Variants in PRMT8 observed in about 807,000 individuals in gnomAD.
PRMT8 encodes the protein protein arginine methyltransferase 8.
PRMT8 carries 7 observed loss-of-function variants against 47.1 expected under a neutral mutation model. The observed-to-expected ratio is 0.15, with a 90% CI of 0.08 to 0.28. The LOEUF (loss-of-function observed/expected upper bound fraction) is 0.28. Ranked by LOEUF, PRMT8 falls within the 10% of genes least tolerant of loss-of-function variation. PRMT8 has a pLI of 1.00. For missense variants in PRMT8, 237 were observed against 505.4 expected, an observed-to-expected ratio of 0.47 and a Z score of 5.09; for synonymous variants, 188 against 186.5, an observed-to-expected ratio of 1.01 and a Z score of -0.07.
Position 3,572,633 on chromosome 12 carries a change from C to T in PRMT8, c.712+3069C>T, listed in dbSNP as rs11062725. Reference sequence around the variant, plus strand: ...ATCCAGAGTTTCCTCTGGTTCCAGCCCATTTTATGCAAGGATTCCACTTTC... The same window carrying T: ...ATCCAGAGTTTCCTCTGGTTCCAGCTCATTTTATGCAAGGATTCCACTTTC... On this transcript the variant is annotated intron_variant, in intron 6 of 9. Transcript: ENST00000382622. This position sits in a 1 kb window ranked among gnomAD's most constrained non-coding sequence, Gnocchi z 5.9. 0.074 allele frequency among the ~76,000 whole-genome samples: 11,211 copies of T among 152,278 alleles called. 580 individuals are homozygous for T. The highest frequency in any genetic ancestry group is 0.1 in the Non-Finnish European group (6,943 of 68,020).
At chr12:3,487,971 C>G (rs1565419882), upstream of PRMT8, among the ~76,000 whole-genome samples, 1 of 152,202 alleles carries the variant, frequency 6.6e-6, no homozygotes, top group Non-Finnish European at 1.5e-5. Context: ...TTTTAAAGCT[C>G]TCCAGATGAT....
intron 1 of PRMT8, among the ~76,000 whole-genome samples, chr12:3,402,254 G>T (rs779605240): frequency 6.6e-6 from 1 of 152,212 alleles, no homozygotes; most frequent in Non-Finnish European, 1.5e-5. Context: ...AATAGGAACT[G>T]GGAGAACAGG....
At chr12:3,478,408 C>T (rs532096810) in intron 1 of PRMT8, among the ~76,000 whole-genome samples, 17 of 152,202 alleles carry the variant, frequency 1.1e-4, no homozygotes, top group Non-Finnish European at 2.1e-4. Context: ...TCTACAGAAC[C>T]TTGGCTTGGG....
intron 1 of PRMT8, among the ~76,000 whole-genome samples, chr12:3,401,931 A>G (rs1864321530): frequency 6.6e-6 from 1 of 152,206 alleles, no homozygotes; most frequent in Non-Finnish European, 1.5e-5. Context: ...ATTCAATAAT[A>G]TTCCCATTAA....
At chr12:3,519,260 C>T (rs1387684137) in intron 1 of PRMT8, among the ~76,000 whole-genome samples, 7 of 151,716 alleles carry the variant, frequency 4.6e-5, no homozygotes, top group Admixed American at 2.6e-4. Context: ...AGAAAATAAG[C>T]GAGATAGAGA....
chr12:3,582,889 G>A (rs1054284841), intron 7 of PRMT8, among the ~76,000 whole-genome samples, 169 bp from the exon 8 acceptor site: 4 of 152,146 alleles, frequency 2.6e-5, no homozygotes, highest in African/African-American at 9.7e-5. Context: ...AGAAAGGATG[G>A]AGGAGGTGAT....
intron 1 of PRMT8, among the ~76,000 whole-genome samples, chr12:3,540,031 T>A (rs1866192174): frequency 6.6e-6 from 1 of 152,164 alleles, no homozygotes; most frequent in South Asian, 2.1e-4. Flanking sequence ...AACAAACTCT[T>A]ACTATATGCC....
intron 1 of PRMT8, chr12:3,463,391 C>A (rs566895848): frequency 6.6e-6 from 1 of 152,288 alleles, no homozygotes; most frequent in South Asian, 2.1e-4. Flanking sequence ...GGTTAAATAT[C>A]AAGAAAGGCT....
At chr12:3,539,015 A>T (rs1866173122) in intron 1 of PRMT8, among the ~76,000 whole-genome samples, 2 of 152,312 alleles carry the variant, frequency 1.3e-5, no homozygotes, top group South Asian at 4.1e-4. Flanking sequence ...GCGCGGAGTG[A>T]TTCCACGGAG....
intron 8 of PRMT8, among the ~76,000 whole-genome samples, chr12:3,591,432 A>T (rs1867303013): frequency 8.1e-6 from 1 of 123,506 alleles, no homozygotes; most frequent in Non-Finnish European, 1.6e-5. Context: ...TTTTTTTGAG[A>T]CAGGGTCTCA....
At chr12:3,534,196 C>T (rs1028040597) in intron 1 of PRMT8, among the ~76,000 whole-genome samples, 18 of 152,278 alleles carry the variant, frequency 1.2e-4, no homozygotes, top group African/African-American at 3.1e-4. Context: ...TGAGGACAGA[C>T]GACTCAGGTT....
At chr12:3,428,953 C>T (rs536509919) in intron 1 of PRMT8, among the ~76,000 whole-genome samples, 6 of 137,544 alleles carry the variant, frequency 4.4e-5, no homozygotes, top group African/African-American at 1.1e-4. Flanking sequence ...TTCCTCTCTC[C>T]GCCTCTCTCT....
At chr12:3,459,300 C>G (rs945739912) in intron 1 of PRMT8, among the ~76,000 whole-genome samples, 1 of 152,180 alleles carries the variant, frequency 6.6e-6, no homozygotes, top group African/African-American at 2.4e-5. Context: ...CCCTTCCCAC[C>G]TCCCCAGTCT....
chr12:3,576,190 G>A lies in PRMT8; in HGVS notation c.713-681G>A, dbSNP rs1223282359. The stretch of plus-strand genomic sequence containing the variant: ...AGGGTTTGTGCTCCACTTGGGGGTA[G>A]TTCCTAATGGGGTGGATCCTTAGTG... On this transcript the variant is annotated intron_variant, in intron 6 of 9. Transcript: ENST00000382622. This position sits in a 1 kb window ranked among gnomAD's most constrained non-coding sequence, Gnocchi z 4.0. Among the ~76,000 whole-genome samples, 2 of 152,222 alleles carry A rather than the reference G, an allele frequency of 1.3e-5. No homozygotes were observed. Among genetic ancestry groups the A allele is most frequent in the African/African-American group, 2.4e-5 (1 of 41,464 alleles).
intron 4 of PRMT8, among the ~76,000 whole-genome samples, chr12:3,567,894 T>A (rs773332951): frequency 2.0e-5 from 3 of 151,970 alleles, no homozygotes; most frequent in Non-Finnish European, 4.4e-5. Flanking sequence ...GCCAACATGG[T>A]GAAACCCCGT....
rs147584382 is a variant in PRMT8, at chr12:3,438,282, C to T, written c.48+56840C>T. On this transcript the variant is annotated intron_variant, in intron 1 of 9. Transcript: ENST00000452611. The stretch of plus-strand genomic sequence containing the variant: ...GGACCGTCTCCCGTTTAGTCATTCG[C>T]GGTTTCAGGGACCCTGCTGTCGCCC... Among the ~76,000 whole-genome samples the T allele has an allele frequency of 2.3e-3, 346 of 152,348 alleles. 2 individuals carry two copies. The highest frequency in any genetic ancestry group is 7.9e-3 in the African/African-American group (329 of 41,582).
At chr12:3,411,218 C>A (rs1864426549) in intron 1 of PRMT8, among the ~76,000 whole-genome samples, 1 of 152,190 alleles carries the variant, frequency 6.6e-6, no homozygotes, top group Non-Finnish European at 1.5e-5. Context: ...GCTAAAAGCT[C>A]ATTCACTTCT....
chr12:3,425,447 G>T (rs1864593990), intron 1 of PRMT8, among the ~76,000 whole-genome samples: 1 of 152,236 alleles, frequency 6.6e-6, no homozygotes, highest in Non-Finnish European at 1.5e-5. Flanking sequence ...AACTCTAACT[G>T]CCATTTTTTA....
In PRMT8 at chr12:3,508,379, A is replaced by G. The variant is rs1481038839; in HGVS notation, c.75+16679A>G. Among the ~76,000 whole-genome samples, 1 of 152,230 alleles carries G rather than the reference A, an allele frequency of 6.6e-6. No individual in the cohort carries two copies. Among genetic ancestry groups the G allele is most frequent in the Non-Finnish European group, 1.5e-5 (1 of 68,030 alleles). ...ACATATCCTGTGTGATTTGTAGTTC[A>G]TAATATGTGAGACATGAGGTACAAG... On this transcript the variant is annotated intron_variant, in intron 1 of 9. Transcript: ENST00000382622. This position sits in a 1 kb window ranked among gnomAD's most constrained non-coding sequence, Gnocchi z 4.9.
Sources: allele counts gnomAD v4.1 joint callset (sites outside exome capture counted in the v4.1 genomes callset), GRCh38; gene constraint gnomAD v4.1.1; non-coding constraint Gnocchi (gnomAD v3.1); transcripts MANE v1.5; gene names NCBI Gene and HGNC (gene_info 2026-07-23, HGNC 2026-07-21).